Variants in CCSER2 observed in about 807,000 individuals in gnomAD.
CCSER2 encodes the protein serine-rich coiled-coil domain-containing protein 2.
A neutral mutation model predicts 92.3 loss-of-function variants in CCSER2; 46 were observed. The observed-to-expected ratio is 0.50, with a 90% CI of 0.39 to 0.64. The LOEUF (loss-of-function observed/expected upper bound fraction) is 0.64, where lower values mean the gene tolerates loss of function less well. Ranked by LOEUF, CCSER2 falls within the 30% of genes least tolerant of loss-of-function variation. The pLI is 0.00. For missense variants in CCSER2, 1,244 were observed against 1,238.9 expected, an observed-to-expected ratio of 1.00 and a Z score of -0.06; for synonymous variants, 433 against 431.4, an observed-to-expected ratio of 1.00 and a Z score of -0.04.
chr10:84,404,452 C>T (rs1842276172), intron 3 of CCSER2, among the ~76,000 whole-genome samples: 1 of 152,118 alleles, frequency 6.6e-6, no homozygotes, highest in Admixed American at 6.5e-5. Context: ...AGTGAGTGGA[C>T]AGGAAGCAAG....
rs980559867 is a variant in CCSER2 at position 84,494,187 on chromosome 10, C to T, written c.2325+16523C>T. Among the ~76,000 whole-genome samples, 6 of 152,178 alleles carry T rather than the reference C, an allele frequency of 3.9e-5. No homozygotes were observed. In the East Asian group the frequency reaches 5.8e-4, roughly 15 times the overall value. ...AATAGCCCATGGATTGGTACTGGTC[C>T]GTGGCCCAGGGGTTGGAGACCCATG... On this transcript the variant is annotated intron_variant, in intron 9 of 9. Transcript: ENST00000372088.
rs946335027 is a variant in CCSER2 at position 84,515,656 on chromosome 10, C to G, written c.*1389C>G. Reference sequence around the variant, plus strand: ...ATGAGATTTCACCTTGTTGGTCAGGCTGGTCTCGAACTCCTGACCTCAAGT... The same window carrying G: ...ATGAGATTTCACCTTGTTGGTCAGGGTGGTCTCGAACTCCTGACCTCAAGT... On this transcript the variant is annotated 3_prime_UTR_variant, in exon 10 of 10. Transcript: ENST00000372088. 6.6e-6 allele frequency: 1 copy of G among 152,100 alleles called. No homozygotes were observed. The highest frequency in any genetic ancestry group is 2.4e-5 in the African/African-American group (1 of 41,420). The allele number at this position is 152,100 out of a possible 1,614,324, so 9.4% of individuals were successfully genotyped here. A position where few individuals can be genotyped will look rare whatever the true frequency, so the allele number is the denominator to read the frequency against.
intron 3 of CCSER2, among the ~76,000 whole-genome samples, chr10:84,407,050 C>T (rs1213104674): frequency 2.0e-5 from 3 of 152,310 alleles, no homozygotes; most frequent in African/African-American, 7.2e-5. Flanking sequence ...AGTAATCTTA[C>T]TCTACGGTGT....
At chr10:84,363,265 A>G (rs1367650418) in intron 1 of CCSER2, among the ~76,000 whole-genome samples, 2 of 151,322 alleles carry the variant, frequency 1.3e-5, no homozygotes, top group South Asian at 2.1e-4. Context: ...AAGTGCTGGG[A>G]TTACAGGTGT....
intron 3 of CCSER2, chr10:84,391,951 G>T: frequency 7.3e-7 from 1 of 1,368,034 alleles, no homozygotes; most frequent in South Asian, 1.2e-5. Flanking sequence ...ATCCTTCATG[G>T]ATTTAAAAAT....
At chr10:84,339,498 G>C (rs1420412926) in intron 1 of CCSER2, among the ~76,000 whole-genome samples, 2 of 150,416 alleles carry the variant, frequency 1.3e-5, no homozygotes, top group Non-Finnish European at 3.0e-5. Context: ...TTTTTGAGAC[G>C]GAGTTTTACT....
intron 3 of CCSER2, among the ~76,000 whole-genome samples, chr10:84,397,029 A>G (rs1373472784): frequency 2.6e-5 from 4 of 152,224 alleles, no homozygotes; most frequent in Non-Finnish European, 4.4e-5. Context: ...CACATCTACC[A>G]CCTTACTTGT....
intron 6 of CCSER2, among the ~76,000 whole-genome samples, chr10:84,458,330 G>T (rs1226036779): frequency 6.6e-6 from 1 of 152,064 alleles, no homozygotes; most frequent in African/African-American, 2.4e-5. Flanking sequence ...TTGTAATTTT[G>T]TCAGAAATGC....
At chr10:84,378,495 C>T (rs893456682) in intron 3 of CCSER2, among the ~76,000 whole-genome samples, 10 of 141,474 alleles carry the variant, frequency 7.1e-5, no homozygotes, top group South Asian at 6.5e-4. Context: ...AGTGCGATGG[C>T]GCAATCTTGG....
At chr10:84,499,959 A>G (rs1350632373) in intron 9 of CCSER2, 1 of 1,613,974 alleles carries the variant, frequency 6.2e-7, no homozygotes, top group Non-Finnish European at 8.5e-7. Flanking sequence ...CCGCAGACAG[A>G]GTGAGTCTGT....
At chr10:84,513,007 G>T (rs550323686) in intron 9 of CCSER2, among the ~76,000 whole-genome samples, 1 of 152,030 alleles carries the variant, frequency 6.6e-6, no homozygotes, top group Admixed American at 6.6e-5. Flanking sequence ...AACAACACTT[G>T]TTAACATGGT....
In CCSER2 at chr10:84,513,981, T is replaced by C; in HGVS notation, c.2858T>C (p.Ile953Thr). Residue 953 changes from isoleucine (I) to threonine (T), a missense_variant, in exon 10 of 10, where the codon ATC (isoleucine) becomes ACC (threonine). By Grantham distance (89) the Ile-to-Thr change is moderately conservative (BLOSUM62 -1). Coordinates refer to ENST00000372088, the MANE Select transcript of CCSER2 (RefSeq NM_001284240.2). ...CCCACTTGTAAAAAGTCACCAATAATCACAACATGTAATTCAGCAAAACTT... is the reference window on the plus strand; with the variant it reads ...CCCACTTGTAAAAAGTCACCAATAACCACAACATGTAATTCAGCAAAACTT... ...RTPTCKKSPI[I>T]TTCNSAKLQP... 1 of 1,536,650 alleles carries C rather than the reference T, an allele frequency of 6.5e-7. No homozygotes were observed. The highest frequency in any genetic ancestry group is 8.7e-7 in the Non-Finnish European group (1 of 1,147,024).
chr10:84,336,809 G>A (rs1843863172), intron 1 of CCSER2, among the ~76,000 whole-genome samples: 1 of 151,810 alleles, frequency 6.6e-6, no homozygotes, highest in African/African-American at 2.4e-5. Context: ...CGCATAATGA[G>A]ATTATTTAGC....
chr10:84,371,688 T>C lies in CCSER2; in HGVS notation c.636T>C (p.Ser212=). 6.2e-7 allele frequency: 1 copy of C among 1,613,778 alleles called. No individual in the cohort carries two copies. The highest frequency in any genetic ancestry group is 1.1e-5 in the South Asian group (1 of 91,050). ...SLAQSPDSSK[S]INCEKMVRSQ... is the part of the protein sequence containing the mutation. Reference sequence around the variant, plus strand: ...CTCAATCCCCAGACAGTAGTAAATCTATTAATTGTGAAAAAATGGTAAGGT... The same window carrying C: ...CTCAATCCCCAGACAGTAGTAAATCCATTAATTGTGAAAAAATGGTAAGGT... The change falls in exon 2 of 10, where the codon TCT becomes TCC. Residue 212 remains serine, a synonymous_variant. Transcript: ENST00000372088.
At chr10:84,373,440 T>C (rs1321263267) in intron 2 of CCSER2, among the ~76,000 whole-genome samples, 179 bp from the exon 3 acceptor site, 2 of 152,172 alleles carry the variant, frequency 1.3e-5, no homozygotes, top group African/African-American at 2.4e-5. Flanking sequence ...CAGTAGGTTA[T>C]TTTAAAGATT....
In CCSER2 at chr10:84,515,411, T is replaced by C. The variant is rs1216062650; in HGVS notation, c.*1144T>C. 2 of 152,262 alleles carry C rather than the reference T, an allele frequency of 1.3e-5. No homozygotes were observed. The highest frequency in any genetic ancestry group is 2.9e-5 in the Non-Finnish European group (2 of 68,038). 9.4% of individuals were successfully genotyped at this position (152,262 alleles called of 1,614,324 possible). A position where few individuals can be genotyped will look rare whatever the true frequency, so the allele number is the denominator to read the frequency against. ...TTCTCCCCCTCCCCCATCTCCAGTC[T>C]CCTAGGTTTCCCTTTTCTGTGTTTT... On this transcript the variant is annotated 3_prime_UTR_variant, in exon 10 of 10. Coordinates refer to ENST00000372088, the MANE Select transcript of CCSER2 (RefSeq NM_001284240.2).
chr10:84,395,653 A>G (rs1244818078), intron 3 of CCSER2, among the ~76,000 whole-genome samples: 4 of 152,190 alleles, frequency 2.6e-5, no homozygotes, highest in African/African-American at 4.8e-5. Context: ...GTTGGGTTGC[A>G]TGGAGACACA....
Position 84,371,849 on chromosome 10 carries a change from G to T in CCSER2, c.797G>T (p.Arg266Leu), listed in dbSNP as rs769241896. 6.2e-7 allele frequency: 1 copy of T among 1,613,826 alleles called. No homozygotes were observed. Among genetic ancestry groups the T allele is most frequent in the East Asian group, 2.2e-5 (1 of 44,880 alleles). Residue 266 changes from arginine to leucine, a missense_variant, in exon 2 of 10, where the codon CGG (arginine) becomes CTG (leucine). Transcript: ENST00000372088. ...CAGCTATCCATTAGAGTGCCTCTAC[G>T]GTCAAGTATGCTAACAAGAAATTCC... ...NQQLSIRVPL[R>L]SSMLTRNSRQ...
At chr10:84,357,232 A>G (rs1845221589) in intron 1 of CCSER2, among the ~76,000 whole-genome samples, 1 of 110,360 alleles carries the variant, frequency 9.1e-6, no homozygotes. Context: ...AGTGCATTTC[A>G]GACACAAGAC....
Sources: gnomAD v4.1 joint callset for allele counts (sites outside exome capture counted in the v4.1 genomes callset) on GRCh38, gnomAD v4.1.1 for gene constraint, MANE v1.5 for transcripts, NCBI Gene and HGNC (gene_info 2026-07-23, HGNC 2026-07-21) for gene names.